CSMD1: variants seen among roughly 807,000 people sequenced by gnomAD.
The protein encoded by CSMD1 is CUB and sushi domain-containing protein 1.
In CSMD1, 213 loss-of-function variants were observed where a neutral mutation model predicts 417.5. The ratio of observed to expected loss-of-function variants is 0.51; its 90% confidence interval spans 0.46 to 0.57. CSMD1 has a LOEUF of 0.57. CSMD1 is among the 20% of genes least tolerant of loss of function. The probability of loss-of-function intolerance (pLI) is 0.00; values close to 1 mark genes in which losing one functional copy is unlikely to be tolerated. For synonymous variants in CSMD1, 2,862 were observed against 1,736.8 expected, an observed-to-expected ratio of 1.65 and a Z score of -16.11; for missense variants, 6,923 against 4,529.7, an observed-to-expected ratio of 1.53 and a Z score of -15.17.
chr8:4,137,416 G>C (rs1412063351), intron 3 of CSMD1, among the ~76,000 whole-genome samples: 1 of 78,060 alleles, frequency 1.3e-5, no homozygotes, highest in African/African-American at 2.9e-5. Flanking sequence ...GTTATCGCTT[G>C]TGTTTAATAA....
At chr8:3,218,497 G>C (rs977962926) in intron 29 of CSMD1, among the ~76,000 whole-genome samples, 3 of 149,532 alleles carry the variant, frequency 2.0e-5, no homozygotes, top group Non-Finnish European at 4.4e-5. Context: ...GGAGGCAGAG[G>C]TTGCAGTGAG....
At chr8:4,652,462 G>A (rs909810339) in intron 1 of CSMD1, among the ~76,000 whole-genome samples, 1 of 152,032 alleles carries the variant, frequency 6.6e-6, no homozygotes, top group African/African-American at 2.4e-5. Context: ...AGTGCATGCA[G>A]CCTACCAGAA....
chr8:3,973,956 T>C (rs1813247561), intron 5 of CSMD1, among the ~76,000 whole-genome samples: 1 of 152,218 alleles, frequency 6.6e-6, no homozygotes, highest in Non-Finnish European at 1.5e-5. Flanking sequence ...AAAAATGGGA[T>C]ATCCATTCCC....
intron 3 of CSMD1, among the ~76,000 whole-genome samples, chr8:4,174,959 T>G (rs1714774): frequency 0.2 from 30,457 of 150,880 alleles, 3,218 homozygotes; most frequent in East Asian, 0.35. Flanking sequence ...TCTTTAAAAT[T>G]AGTATTGATG....
At chr8:3,272,472 T>G (rs1233043057) in intron 26 of CSMD1, among the ~76,000 whole-genome samples, 5 of 149,132 alleles carry the variant, frequency 3.4e-5, no homozygotes, top group East Asian at 2.0e-4. Flanking sequence ...GGGAAGAAAG[T>G]CATTGGTAAC....
Position 4,912,135 on chromosome 8 carries a change from A to AAAAAAAAAAAAAAAAAAAAAAAAAAAG in CSMD1, c.85+82196_85+82197insCTTTTTTTTTTTTTTTTTTTTTTTTTT, listed in dbSNP as rs765904838. 3.2e-4 allele frequency among the ~76,000 whole-genome samples: 37 copies of AAAAAAAAAAAAAAAAAAAAAAAAAAAG among 115,566 alleles called. 1 individual carries two copies. Among genetic ancestry groups the AAAAAAAAAAAAAAAAAAAAAAAAAAAG allele is most frequent in the African/African-American group, 6.7e-4 (23 of 34,262 alleles). The allele number at this position is 115,566 out of a possible 152,430, so 75.8% of individuals were successfully genotyped here. A position where few individuals can be genotyped will look rare whatever the true frequency, so the allele number is the denominator to read the frequency against. On this transcript the variant is annotated intron_variant, in intron 1 of 69. Coordinates refer to ENST00000635120, the MANE Select transcript of CSMD1 (RefSeq NM_033225.6). ...TCAACATAGCTTCAAAAAAAAAAAA[A>AAAAAAAAAAAAAAAAAAAAAAAAAAAG]AAAAAAGAAAGAAAGAAAAGAAAAG...
chr8:3,531,004 C>A (rs893703084), intron 10 of CSMD1, among the ~76,000 whole-genome samples: 3 of 150,670 alleles, frequency 2.0e-5, no homozygotes, highest in African/African-American at 2.5e-5. Context: ...AGGCACACAC[C>A]ACCATGCCCA....
chr8:4,070,103 G>A (rs1016717875), intron 3 of CSMD1, among the ~76,000 whole-genome samples: 2 of 151,926 alleles, frequency 1.3e-5, no homozygotes, highest in South Asian at 2.1e-4. Flanking sequence ...AAACACCCAA[G>A]ATTTTTCAGT....
intron 7 of CSMD1, among the ~76,000 whole-genome samples, chr8:3,707,999 C>CAGCTTTACA (rs1458744602): frequency 6.6e-6 from 1 of 152,204 alleles, no homozygotes; most frequent in Non-Finnish European, 1.5e-5. Flanking sequence ...CTACTTTACT[C>CAGCTTTACA]TCCAGGCAGT....
chr8:3,625,187 T>C (rs183599634), intron 7 of CSMD1, among the ~76,000 whole-genome samples: 19 of 152,284 alleles, frequency 1.2e-4, no homozygotes, highest in East Asian at 9.6e-4. Context: ...ACAGGTAAAA[T>C]AAGAATTGTT....
Position 4,440,649 on chromosome 8 carries a change from C to G in CSMD1, c.303-20584G>C, listed in dbSNP as rs78854584. 8.8e-3 allele frequency among the ~76,000 whole-genome samples: 1,335 copies of G among 152,286 alleles called. 19 individuals carry two copies. The highest frequency in any genetic ancestry group is 0.03 in the African/African-American group (1,256 of 41,560). The stretch of plus-strand genomic sequence containing the variant: ...AATGATAGGGAAGAAAAATTGATTG[C>G]ATACATTTGTGCTGCTTGAGAATTT... On this transcript the variant is annotated intron_variant, in intron 2 of 69. Coordinates refer to ENST00000635120, the MANE Select transcript of CSMD1 (RefSeq NM_033225.6).
chr8:3,343,423 G>C lies in CSMD1; in HGVS notation c.3502C>G (p.Arg1168Gly), dbSNP rs562188878. 3.8e-5 allele frequency: 61 copies of C among 1,613,568 alleles called. No individual in the cohort carries two copies. Among genetic ancestry groups the C allele is most frequent in the Admixed American group, 6.7e-5 (4 of 59,970 alleles). The change falls in exon 23 of 70, where the codon CGT becomes GGT. Residue 1168 changes from arginine (R) to glycine (G), a missense_variant. Coordinates refer to ENST00000635120, the MANE Select transcript of CSMD1 (RefSeq NM_033225.6). Reference protein sequence around the residue: ...KVYDGKDSSSRPLGTFTKNEL... With the variant: ...KVYDGKDSSSGPLGTFTKNEL... ...TTTTTAGTGAACGTGCCCAGTGGAC[G>C]TGAGGAACTGTCTTTTCCATCATAT...
At position 2,983,599 on chromosome 8, in the gene CSMD1, G is replaced by T. The variant is rs114578820; in HGVS notation, c.8378-4799C>A. Among the ~76,000 whole-genome samples, 926 of 152,250 alleles carry T rather than the reference G, an allele frequency of 6.1e-3. 12 individuals are homozygous for T. The highest frequency in any genetic ancestry group is 0.019 in the African/African-American group (790 of 41,522). On this transcript the variant is annotated intron_variant, in intron 54 of 69. Coordinates refer to ENST00000635120, the MANE Select transcript of CSMD1 (RefSeq NM_033225.6). ...CTGAGATGATTAGAGCAGAACCGTG[G>T]ACTTTCACTTGTATATCCAAAATTT...
chr8:3,612,221 C>T (rs900702783), intron 8 of CSMD1, among the ~76,000 whole-genome samples: 1 of 151,990 alleles, frequency 6.6e-6, no homozygotes, highest in Non-Finnish European at 1.5e-5. Flanking sequence ...AAAGTCATTT[C>T]ATAACAAAAG....
chr8:3,487,439 G>C (rs1232944072), intron 11 of CSMD1, among the ~76,000 whole-genome samples: 2 of 152,090 alleles, frequency 1.3e-5, no homozygotes, highest in East Asian at 1.9e-4. Context: ...CTGACCTCGT[G>C]ATCTGCCCGC....
At chr8:3,223,628 C>G (rs1006208600) in intron 28 of CSMD1, 101 bp downstream of exon 28, 19 of 1,204,716 alleles carry the variant, frequency 1.6e-5, no homozygotes, top group African/African-American at 3.0e-5. Flanking sequence ...CTAGCACTTA[C>G]CTAGATATAA....
chr8:4,798,740 T>C (rs952880326), intron 1 of CSMD1, among the ~76,000 whole-genome samples: 1 of 152,196 alleles, frequency 6.6e-6, no homozygotes, highest in Non-Finnish European at 1.5e-5. Context: ...CATTTATTAA[T>C]AGGTATGTAA....
intron 4 of CSMD1, among the ~76,000 whole-genome samples, chr8:4,023,086 G>A (rs538512943): frequency 1.3e-5 from 2 of 152,246 alleles, no homozygotes; most frequent in Admixed American, 6.5e-5. Flanking sequence ...TGGCCTCATG[G>A]TTGAGCTTCA....
intron 23 of CSMD1, among the ~76,000 whole-genome samples, chr8:3,310,895 G>T (rs1442324377): frequency 6.6e-6 from 1 of 152,144 alleles, no homozygotes; most frequent in East Asian, 1.9e-4. Context: ...TTTAAAAAAA[G>T]TTTTTAAAAA....
Sources: allele counts gnomAD v4.1 joint callset (sites outside exome capture counted in the v4.1 genomes callset), GRCh38; gene constraint gnomAD v4.1.1; transcripts MANE v1.5; gene names NCBI Gene and HGNC (gene_info 2026-07-23, HGNC 2026-07-21).